Variants in YY1 observed in about 807,000 individuals in gnomAD.
The protein encoded by YY1 is YY1 transcription factor.
A neutral mutation model predicts 35.6 loss-of-function variants in YY1; 2 were observed. That is an observed-to-expected ratio of 0.06 (90% CI 0.02 to 0.18). The LOEUF (loss-of-function observed/expected upper bound fraction) is 0.18. Among genes scored for constraint, YY1 ranks in the 10% least tolerant of loss-of-function variants. The probability of loss-of-function intolerance (pLI) is 1.00; values close to 1 mark genes in which losing one functional copy is unlikely to be tolerated. For synonymous variants in YY1, 268 were observed against 238.9 expected, an observed-to-expected ratio of 1.12 and a Z score of -1.12; for missense variants, 322 against 573.4, an observed-to-expected ratio of 0.56 and a Z score of 4.48.
chr14:100,266,943 G>A (rs1891164534), intron 2 of YY1, among the ~76,000 whole-genome samples: 1 of 152,192 alleles, frequency 6.6e-6, no homozygotes, highest in Admixed American at 6.5e-5. Context: ...ATGAACATCA[G>A]AAGGAAGATT....
intron 1 of YY1, among the ~76,000 whole-genome samples, chr14:100,249,585 A>G (rs1890890370): frequency 6.6e-6 from 1 of 152,178 alleles, no homozygotes; most frequent in Non-Finnish European, 1.5e-5. Flanking sequence ...TTTGTGCTGT[A>G]AGGCAGAATC....
intron 2 of YY1, among the ~76,000 whole-genome samples, chr14:100,272,676 A>G (rs1891259468): frequency 6.6e-6 from 1 of 151,852 alleles, no homozygotes; most frequent in Non-Finnish European, 1.5e-5. Context: ...AAAAATTTCA[A>G]TAGCTTTTGG....
chr14:100,253,729 C>T (rs1046087308), intron 1 of YY1, among the ~76,000 whole-genome samples: 2 of 151,838 alleles, frequency 1.3e-5, no homozygotes, highest in Non-Finnish European at 2.9e-5. Context: ...TCGGGTGATC[C>T]GCCCACCTCA....
chr14:100,274,159 G>A (rs1029509592), intron 2 of YY1, among the ~76,000 whole-genome samples: 3 of 152,134 alleles, frequency 2.0e-5, no homozygotes, highest in African/African-American at 7.2e-5. Flanking sequence ...GGACTCTTCT[G>A]TACCCTTTAA....
At position 100,260,771 on chromosome 14, in the gene YY1, CTTTTTTTTTTTTTTTTTTTTTTT is replaced by C. The variant is rs71113254; in HGVS notation, c.680-1516_680-1494del. Among the ~76,000 whole-genome samples the C allele has an allele frequency of 2.9e-3, 124 of 42,570 alleles. 4 individuals carry two copies. The highest frequency in any genetic ancestry group is 7.4e-3 in the Admixed American group (21 of 2,832). 27.9% of individuals were successfully genotyped at this position (42,570 alleles called of 152,430 possible). On this transcript the variant is annotated intron_variant, in intron 1 of 4. Transcript: ENST00000262238. ...CAGGTGTGAGCCACCGTGCCTGGTC[CTTTTTTTTTTTTTTTTTTTTTTT>C]TTTTTTTTTTTTTTTTGGAGGCAGA...
At chr14:100,274,880 C>T (rs1020661924) in intron 3 of YY1, 122 bp downstream of exon 3, 10 of 1,014,250 alleles carry the variant, frequency 9.9e-6, no homozygotes, top group East Asian at 7.5e-5. Flanking sequence ...TTAGAATCTT[C>T]GGTTTCTAAA....
intron 2 of YY1, among the ~76,000 whole-genome samples, chr14:100,269,726 G>C (rs1044026914): frequency 1.3e-5 from 2 of 152,180 alleles, no homozygotes; most frequent in Non-Finnish European, 2.9e-5. Context: ...AGGAGCTTAA[G>C]AGTGGCTGCA....
At chr14:100,249,748 G>GTTTTTTTTTTTTT (rs57119106) in intron 1 of YY1, among the ~76,000 whole-genome samples, 2 of 141,032 alleles carry the variant, frequency 1.4e-5, no homozygotes, top group African/African-American at 5.3e-5. Context: ...GCTACTTACC[G>GTTTTTTTTTTTTT]TTTTTTTTTT....
chr14:100,248,111 ATTTTTTTTTCTTTTTTTTTT>A (rs1890860631), intron 1 of YY1, among the ~76,000 whole-genome samples: 2 of 75,896 alleles, frequency 2.6e-5, no homozygotes, highest in African/African-American at 1.3e-4. Context: ...CGCCCGGCTA[ATTTTTTTTTCTTTTTTTTTT>A]TTTTGAGACA....
chr14:100,253,727 TC>T (rs1890959145), intron 1 of YY1, among the ~76,000 whole-genome samples: 2 of 151,982 alleles, frequency 1.3e-5, no homozygotes. Flanking sequence ...CCTCGGGTGA[TC>T]CGCCCACCTC....
At chr14:100,273,383 G>A (rs537509485) in intron 2 of YY1, among the ~76,000 whole-genome samples, 37 of 152,280 alleles carry the variant, frequency 2.4e-4, no homozygotes, top group Non-Finnish European at 1.3e-4. Flanking sequence ...GACCTTCTGG[G>A]CTCAAGTGAT....
chr14:100,239,288 A>C lies in YY1; in HGVS notation c.44A>C (p.Glu15Ala). Reference sequence around the variant, plus strand: ...CTCTACATCGCCACGGACGGCTCGGAGATGCCGGCCGAGATCGTGGAGCTG... The same window carrying C: ...CTCTACATCGCCACGGACGGCTCGGCGATGCCGGCCGAGATCGTGGAGCTG... ...DTLYIATDGS[E>A]MPAEIVELHE... The change falls in exon 1 of 5, where the codon GAG becomes GCG. Residue 15 changes from glutamate (E) to alanine (A), a missense_variant. Transcript: ENST00000262238. The C allele has an allele frequency of 6.3e-7, 1 of 1,594,460 alleles. No homozygotes were observed. The highest frequency in any genetic ancestry group is 8.5e-7 in the Non-Finnish European group (1 of 1,172,296).
At chr14:100,262,955 T>G (rs546799186) in intron 2 of YY1, among the ~76,000 whole-genome samples, 1 of 152,260 alleles carries the variant, frequency 6.6e-6, no homozygotes, top group Non-Finnish European at 1.5e-5. Context: ...TTGCCCAGGC[T>G]GGAGTGCAGT....
At position 100,251,879 on chromosome 14, in the gene YY1, C is replaced by T. The variant is rs572563168; in HGVS notation, c.680-10425C>T. Among the ~76,000 whole-genome samples, 10 of 152,268 alleles carry T rather than the reference C, an allele frequency of 6.6e-5. No homozygotes were observed. In the East Asian group the frequency reaches 9.6e-4, roughly 15 times the overall value. On this transcript the variant is annotated intron_variant, in intron 1 of 4. Transcript: ENST00000262238. ...CTGGCCTCAAGAGATCCTCCTGCCT[C>T]GGCCTCCCAAAGTGCTGGGATTACA...
intron 3 of YY1, among the ~76,000 whole-genome samples, chr14:100,275,205 A>G (rs903100190): frequency 1.3e-5 from 2 of 152,210 alleles, no homozygotes; most frequent in African/African-American, 4.8e-5. Context: ...TTAGTCTTTA[A>G]AATAAAAGGA....
At chr14:100,263,591 A>G (rs1370532129) in intron 2 of YY1, among the ~76,000 whole-genome samples, 1 of 152,258 alleles carries the variant, frequency 6.6e-6, no homozygotes, top group Non-Finnish European at 1.5e-5. Flanking sequence ...ACTCTGGAGC[A>G]GAAAGCCTAA....
At chr14:100,264,827 AC>A (rs1156579166) in intron 2 of YY1, among the ~76,000 whole-genome samples, 1 of 152,124 alleles carries the variant, frequency 6.6e-6, no homozygotes, top group Non-Finnish European at 1.5e-5. Flanking sequence ...ATTACAAGAG[AC>A]CAGCTGGGCT....
At chr14:100,260,722 C>T (rs1289756459) in intron 1 of YY1, among the ~76,000 whole-genome samples, 21 of 144,896 alleles carry the variant, frequency 1.4e-4, no homozygotes, top group Admixed American at 2.1e-4. Context: ...CCACCTGCCT[C>T]GGCCTCCCAA....
rs1891424453 is a variant in YY1, at chr14:100,281,227, AATT to A, written c.*3631_*3633del. 2 of 151,692 alleles carry A rather than the reference AATT, an allele frequency of 1.3e-5. No individual in the cohort carries two copies. Among genetic ancestry groups the A allele is most frequent in the East Asian group, 3.9e-4 (2 of 5,144 alleles). 9.4% of individuals were successfully genotyped at this position (151,692 alleles called of 1,614,324 possible). Reference sequence around the variant, plus strand: ...TCATGTTGTTGATCTTTAATTATTTAATTATTCTTTAATAATCCTTCTATTTTC... The same window carrying A: ...TCATGTTGTTGATCTTTAATTATTTAATTCTTTAATAATCCTTCTATTTTC... On this transcript the variant is annotated 3_prime_UTR_variant, in exon 5 of 5. Coordinates refer to ENST00000262238, the MANE Select transcript of YY1 (RefSeq NM_003403.5).
Sources: allele counts gnomAD v4.1 joint callset (sites outside exome capture counted in the v4.1 genomes callset), GRCh38; gene constraint gnomAD v4.1.1; transcripts MANE v1.5; gene names NCBI Gene and HGNC (gene_info 2026-07-23, HGNC 2026-07-21).